Variants in PMVK observed in about 807,000 individuals in gnomAD.
The protein encoded by PMVK is phosphomevalonate kinase, also known as testis tissue sperm-binding protein Li 95mP.
Under a neutral mutation model 19.0 loss-of-function variants are expected in PMVK, and 10 were observed. The observed-to-expected ratio is 0.53, with a 90% CI of 0.32 to 0.89. The LOEUF is 0.89. Among genes scored for constraint, PMVK ranks in the 40% least tolerant of loss-of-function variants. The pLI is 0.03. For synonymous variants in PMVK, 108 were observed against 101.6 expected (o/e 1.06, Z -0.38); for missense variants, 222 against 251.1 (o/e 0.88, Z 0.78).
chr1:154,932,228 G>A (rs1003817207), intron 2 of PMVK, 124 bp downstream of exon 2: 1 of 737,548 alleles, frequency 1.4e-6, no homozygotes, highest in Admixed American at 2.0e-5. Context: ...AAAACCAAGA[G>A]CTGGCCACCA....
intron 2 of PMVK, among the ~76,000 whole-genome samples, chr1:154,930,632 G>T (rs1179836887): frequency 6.8e-6 from 1 of 148,134 alleles, no homozygotes; most frequent in African/African-American, 2.5e-5. Flanking sequence ...GAAGTGCCTA[G>T]GCCCCACTAG....
chr1:154,924,951 T>G lies in PMVK; in HGVS notation c.*178A>C, dbSNP rs1040691659. The G allele has an allele frequency of 1.7e-5, 11 of 655,084 alleles. No homozygotes were observed. Among genetic ancestry groups the G allele is most frequent in the Admixed American group, 5.2e-5 (2 of 38,236 alleles). 40.6% of individuals were successfully genotyped at this position (655,084 alleles called of 1,614,324 possible). ...CTGAAGAGCATGGCTGTCTTCCCCATGGAGAAAATGAGGTCTCCAGAGGTT... is the reference window on the plus strand; with the variant it reads ...CTGAAGAGCATGGCTGTCTTCCCCAGGGAGAAAATGAGGTCTCCAGAGGTT... On this transcript the variant is annotated 3_prime_UTR_variant, in exon 5 of 5. Coordinates refer to ENST00000368467, the MANE Select transcript of PMVK (RefSeq NM_006556.4).
upstream of PMVK, among the ~76,000 whole-genome samples, chr1:154,939,018 G>A (rs139476980): frequency 6.8e-4 from 104 of 152,202 alleles, no homozygotes; most frequent in East Asian, 0.019. Flanking sequence ...ACTGCACCCA[G>A]CCTCATTCTC....
At chr1:154,938,078 T>A (rs918191187), upstream of PMVK, 1 of 152,230 alleles carries the variant, frequency 6.6e-6, no homozygotes, top group Non-Finnish European at 1.5e-5. Flanking sequence ...TAAGGGGTTG[T>A]TATTTATTCT....
At chr1:154,936,556 A>G in intron 1 of PMVK, 35 bp downstream of exon 1, 2 of 1,568,660 alleles carry the variant, frequency 1.3e-6, no homozygotes, top group African/African-American at 1.3e-5. Context: ...TGATGCGGAG[A>G]GCTCCCCCTT....
intron 3 of PMVK, among the ~76,000 whole-genome samples, chr1:154,926,984 A>G (rs931923483): frequency 2.0e-5 from 3 of 152,138 alleles, no homozygotes; most frequent in African/African-American, 7.2e-5. Flanking sequence ...TGATAATTCT[A>G]TATTTGTCCA....
intron 2 of PMVK, among the ~76,000 whole-genome samples, chr1:154,930,834 T>C (rs1212709999): frequency 2.6e-5 from 4 of 152,014 alleles, no homozygotes; most frequent in Admixed American, 2.0e-4. Flanking sequence ...GCCCAAATCC[T>C]AGCACTTTGG....
upstream of PMVK, chr1:154,937,599 C>T (rs191225504): frequency 4.7e-5 from 7 of 149,960 alleles, no homozygotes; most frequent in African/African-American, 1.7e-4. Context: ...TGCCTCTTCC[C>T]GCAGTAGGTG....
chr1:154,925,348 G>T, intron 4 of PMVK, 83 bp from the exon 5 acceptor site: 3 of 1,462,614 alleles, frequency 2.1e-6, no homozygotes, highest in Non-Finnish European at 2.9e-6. Context: ...CAACTGGAGT[G>T]GGCCCTCCCG....
upstream of PMVK, among the ~76,000 whole-genome samples, chr1:154,940,101 G>A (rs1654609261): frequency 6.6e-6 from 1 of 152,176 alleles, no homozygotes; most frequent in African/African-American, 2.4e-5. Context: ...CTGGCCTCAT[G>A]CCACTATTTC....
chr1:154,939,017 A>G (rs939527941), upstream of PMVK, among the ~76,000 whole-genome samples: 1 of 152,068 alleles, frequency 6.6e-6, no homozygotes, highest in African/African-American at 2.4e-5. Flanking sequence ...CACTGCACCC[A>G]GCCTCATTCT....
intron 3 of PMVK, 108 bp from the exon 4 acceptor site, chr1:154,926,591 C>A (rs80134592): frequency 7.0e-6 from 6 of 861,504 alleles, no homozygotes; most frequent in South Asian, 3.4e-5. Context: ...TCTACCCCCC[C>A]ATCATCGTGA....
In PMVK at chr1:154,925,208, AC is replaced by A. The variant is rs1315677601; in HGVS notation, c.499del (p.Val167SerfsTer18). On this transcript the variant is annotated frameshift_variant, in exon 5 of 5. Coordinates refer to ENST00000368467, the MANE Select transcript of PMVK (RefSeq NM_006556.4). LOFTEE classifies it high-confidence loss of function. ...CTGTTCAACTCCATGGTTCTCGATG[AC>A]CCAGTCAAAGTCCCCGAAGTTGTCC... Reference protein sequence around the residue: ...GLDNFGDFDWVIENHGVEQRL... With the variant: ...GLDNFGDFDWXIENHGVEQRL... 6.2e-7 allele frequency: 1 copy of A among 1,613,672 alleles called. No individual in the cohort carries two copies. Among genetic ancestry groups the A allele is most frequent in the Non-Finnish European group, 8.5e-7 (1 of 1,179,882 alleles).
At chr1:154,928,326 TAAG>T (rs1344444408) in intron 3 of PMVK, among the ~76,000 whole-genome samples, 2 of 152,130 alleles carry the variant, frequency 1.3e-5, no homozygotes, top group East Asian at 3.8e-4. Flanking sequence ...TGCTACAGCT[TAAG>T]GAGTAAGGAG....
upstream of PMVK, among the ~76,000 whole-genome samples, chr1:154,940,758 G>T (rs1240594927): frequency 6.6e-6 from 1 of 152,144 alleles, no homozygotes; most frequent in Non-Finnish European, 1.5e-5. Context: ...GGATTGGGGG[G>T]CCCCACAGCA....
chr1:154,925,225 G>A lies in PMVK; in HGVS notation c.483C>T (p.Phe161=), dbSNP rs759051863. 3.0e-5 allele frequency: 48 copies of A among 1,613,926 alleles called. No homozygotes were observed. The highest frequency in any genetic ancestry group is 8.9e-5 in the East Asian group (4 of 44,884). The part of the protein sequence containing the change: ...DAESECGLDN[F]GDFDWVIENH... ...TCTCGATGACCCAGTCAAAGTCCCC[G>A]AAGTTGTCCAGGCCACATTCTGACT... Residue 161 remains phenylalanine (F), a synonymous_variant, in exon 5 of 5, where the codon TTC becomes TTT. Coordinates refer to ENST00000368467, the MANE Select transcript of PMVK (RefSeq NM_006556.4).
intron 1 of PMVK, among the ~76,000 whole-genome samples, chr1:154,934,031 A>G (rs1268706938): frequency 6.6e-6 from 1 of 151,548 alleles, no homozygotes; most frequent in Non-Finnish European, 1.5e-5. Flanking sequence ...ACTGAGTCTC[A>G]CTCTGTAGCC....
upstream of PMVK, chr1:154,936,844 C>G (rs998218227): frequency 7.9e-6 from 5 of 634,888 alleles, no homozygotes; most frequent in Admixed American, 1.3e-4. Flanking sequence ...CGCCCGCGAC[C>G]GTGCCCTCAG....
At chr1:154,930,013 T>C (rs1426310358) in intron 2 of PMVK, among the ~76,000 whole-genome samples, 1 of 152,226 alleles carries the variant, frequency 6.6e-6, no homozygotes, top group East Asian at 1.9e-4. Context: ...TGTGGTCTAC[T>C]TGTTGGTTAT....
Sources: gnomAD v4.1 joint callset for allele counts (sites outside exome capture counted in the v4.1 genomes callset) on GRCh38, gnomAD v4.1.1 for gene constraint, MANE v1.5 for transcripts, NCBI Gene and HGNC (gene_info 2026-07-23, HGNC 2026-07-21) for gene names.